Variants in NDE1 observed in about 807,000 individuals in gnomAD.
NDE1 encodes the protein nudE neurodevelopment protein 1.
A neutral mutation model predicts 43.4 loss-of-function variants in NDE1; 28 were observed. That is an observed-to-expected ratio of 0.65 (90% confidence interval 0.48 to 0.89). The LOEUF (loss-of-function observed/expected upper bound fraction) is 0.89. Ranked by LOEUF, NDE1 falls within the 40% of genes least tolerant of loss-of-function variation. The pLI, the probability that NDE1 is intolerant of heterozygous loss-of-function variation, is 0.00. For synonymous variants in NDE1, 184 were observed against 172.0 expected, an observed-to-expected ratio of 1.07 and a Z score of -0.55; for missense variants, 441 against 434.1, an observed-to-expected ratio of 1.02 and a Z score of -0.14.
chr16:15,721,987 A>G (rs1195535035), intron 8 of NDE1, among the ~76,000 whole-genome samples: 2 of 152,030 alleles, frequency 1.3e-5, no homozygotes, highest in Admixed American at 6.6e-5. Context: ...CCTCCAGAGT[A>G]GTTGGGATTA....
At chr16:15,659,517 A>G (rs2151420688) in intron 1 of NDE1, among the ~76,000 whole-genome samples, 1 of 137,766 alleles carries the variant, frequency 7.3e-6, no homozygotes, top group East Asian at 2.1e-4. Flanking sequence ...GCTCACTACA[A>G]CCTCTGCCTT....
At chr16:15,687,828 C>A (rs914062633) in intron 5 of NDE1, among the ~76,000 whole-genome samples, 1 of 152,230 alleles carries the variant, frequency 6.6e-6, no homozygotes, top group Non-Finnish European at 1.5e-5. Flanking sequence ...CAGAAAGATG[C>A]TTCCTGGTCT....
intron 8 of NDE1, chr16:15,713,001 GCAC>G (rs1456660098): frequency 2.0e-5 from 3 of 151,122 alleles, no homozygotes; most frequent in African/African-American, 7.3e-5. Context: ...CTATAGGCAT[GCAC>G]CACCACACCT....
chr16:15,718,816 G>A (rs2040311408), intron 8 of NDE1: 8 of 408,170 alleles, frequency 2.0e-5, no homozygotes, highest in Admixed American at 1.9e-4. Flanking sequence ...AGGACGCTTC[G>A]TCAGCAGCAG....
intron 3 of NDE1, among the ~76,000 whole-genome samples, chr16:15,668,096 G>A (rs2037409516): frequency 6.6e-6 from 1 of 152,044 alleles, no homozygotes; most frequent in Non-Finnish European, 1.5e-5. Flanking sequence ...GGGCGAGGTG[G>A]TGCATACCTG....
rs377480957 is a variant in NDE1, at chr16:15,699,697, T to C, written c.947+2837T>C. The C allele has an allele frequency of 9.7e-4, 1,297 of 1,341,740 alleles. 12 individuals are homozygous for C. The highest frequency in any genetic ancestry group is 9.5e-3 in the South Asian group (814 of 85,858). The allele number at this position is 1,341,740 out of a possible 1,614,324, so 83.1% of individuals were successfully genotyped here. On this transcript the variant is annotated intron_variant, in intron 8 of 8. Coordinates refer to ENST00000396354, the MANE Select transcript of NDE1 (RefSeq NM_017668.3). ...GCTAGCCAGTTTGTCACAGCTGTTA[T>C]GTCAGCTTAATTTGGTTTGCTCTGT... is the stretch of plus-strand genomic sequence containing the variant.
chr16:15,711,143 C>T (rs2039768791), intron 8 of NDE1: 1 of 152,286 alleles, frequency 6.6e-6, no homozygotes. Flanking sequence ...TCCCTGAAGG[C>T]TTGGTGCCCT....
chr16:15,663,431 A>G (rs2151431689), intron 1 of NDE1, among the ~76,000 whole-genome samples: 1 of 151,372 alleles, frequency 6.6e-6, no homozygotes, highest in South Asian at 2.1e-4. Context: ...TTTAGTAGAG[A>G]CGGAGTTTCA....
chr16:15,725,001 G>A lies in NDE1; in HGVS notation c.*750G>A. ...ACGCTCTCAACTTCATTCTAAGGGT[G>A]CCAAGAGACTGGTTAGTCAAAGCCT... On this transcript the variant is annotated 3_prime_UTR_variant, in exon 9 of 9. Transcript: ENST00000396354. 6.2e-7 allele frequency: 1 copy of A among 1,612,394 alleles called. No individual in the cohort carries two copies. Among genetic ancestry groups the A allele is most frequent in the Non-Finnish European group, 8.5e-7 (1 of 1,178,926 alleles).
In NDE1 at chr16:15,687,364, C is replaced by G. The variant is rs1445920477; in HGVS notation, c.387-11C>G. On this transcript the variant is annotated splice_polypyrimidine_tract_variant and intron_variant, in intron 4 of 8. Transcript: ENST00000396354. ...TGTCCTCTTGGATAACTCTGCTTTT[C>G]TCTTCGCCAGCGCCACGATCATGTC... 6.2e-7 allele frequency: 1 copy of G among 1,614,080 alleles called. No individual in the cohort carries two copies. Among genetic ancestry groups the G allele is most frequent in the Non-Finnish European group, 8.5e-7 (1 of 1,179,984 alleles).
At chr16:15,719,696 A>G (rs751344814) in intron 8 of NDE1, 2 of 1,614,114 alleles carry the variant, frequency 1.2e-6, no homozygotes, top group East Asian at 2.2e-5. Flanking sequence ...GCTCTCTTTG[A>G]AAGTCCTTCA....
intron 1 of NDE1, among the ~76,000 whole-genome samples, chr16:15,661,740 A>G (rs1024454007): frequency 6.6e-6 from 1 of 151,912 alleles, no homozygotes; most frequent in Non-Finnish European, 1.5e-5. Context: ...CACTGCACCC[A>G]GCCACCTTCT....
intron 4 of NDE1, among the ~76,000 whole-genome samples, chr16:15,685,379 G>A (rs116202827): frequency 1.2e-3 from 189 of 151,908 alleles, no homozygotes; most frequent in African/African-American, 4.3e-3. Context: ...CTCAGCCTCC[G>A]AGTAGCTGGG....
At chr16:15,690,368 T>TTC (rs2038689257) in intron 5 of NDE1, among the ~76,000 whole-genome samples, 2 of 126,280 alleles carry the variant, frequency 1.6e-5, no homozygotes, top group Non-Finnish European at 3.3e-5. Flanking sequence ...TTTTTTTTTT[T>TTC]TTTTTTTTTT....
At chr16:15,705,329 T>G (rs927786984) in intron 8 of NDE1, among the ~76,000 whole-genome samples, 3 of 152,176 alleles carry the variant, frequency 2.0e-5, no homozygotes, top group Non-Finnish European at 2.9e-5. Context: ...CTGTCTCTCC[T>G]TAATGCTGCC....
intron 4 of NDE1, chr16:15,684,284 C>A (rs1022843413): frequency 6.6e-6 from 1 of 151,540 alleles, no homozygotes; most frequent in Admixed American, 6.6e-5. Flanking sequence ...GTCGAGGTTG[C>A]AGGGAAATTC....
chr16:15,704,992 T>G (rs2039371605), intron 8 of NDE1, among the ~76,000 whole-genome samples: 1 of 152,160 alleles, frequency 6.6e-6, no homozygotes, highest in Non-Finnish European at 1.5e-5. Flanking sequence ...AAGGTGGATT[T>G]AAAAAAGAAA....
At chr16:15,705,290 G>A (rs969265371) in intron 8 of NDE1, among the ~76,000 whole-genome samples, 2 of 152,138 alleles carry the variant, frequency 1.3e-5, no homozygotes, top group African/African-American at 4.8e-5. Context: ...CCTCTGAGGT[G>A]GATTTTAGCT....
Position 15,715,236 on chromosome 16 carries a change from T to C in NDE1, c.948-8955T>C, listed in dbSNP as rs1349787554. On this transcript the variant is annotated intron_variant, in intron 8 of 8. Transcript: ENST00000396354. ...GCAAGATTTCCTTCAGCTTCTTGTCTTTCTGCTTCAGCGACTTGGTGGCCG... is the reference window on the plus strand; with the variant it reads ...GCAAGATTTCCTTCAGCTTCTTGTCCTTCTGCTTCAGCGACTTGGTGGCCG... The C allele has an allele frequency of 3.7e-6, 6 of 1,614,170 alleles. No individual in the cohort carries two copies. In the South Asian group the frequency reaches 5.5e-5, roughly 15 times the overall value.
Sources: gnomAD v4.1 joint callset for allele counts (sites outside exome capture counted in the v4.1 genomes callset) on GRCh38, gnomAD v4.1.1 for gene constraint, MANE v1.5 for transcripts, NCBI Gene and HGNC (gene_info 2026-07-23, HGNC 2026-07-21) for gene names.